The following ST7 variants were observed in gnomAD, a reference collection of about 807,000 sequenced individuals.
ST7 encodes the protein suppressor of tumorigenicity 7 protein.
In ST7, 28 loss-of-function variants were observed where a neutral mutation model predicts 78.7. The observed-to-expected ratio is 0.36, with a 90% confidence interval of 0.26 to 0.49. The LOEUF (loss-of-function observed/expected upper bound fraction) is 0.49, where lower values mean the gene tolerates loss of function less well. Among genes scored for constraint, ST7 ranks in the 20% least tolerant of loss-of-function variants. The probability of loss-of-function intolerance (pLI) is 0.99; values close to 1 mark genes in which losing one functional copy is unlikely to be tolerated. For missense variants in ST7, 418 were observed against 696.0 expected, an observed-to-expected ratio of 0.60 and a Z score of 4.49; for synonymous variants, 247 against 249.6, an observed-to-expected ratio of 0.99 and a Z score of 0.10.
intron 1 of ST7, among the ~76,000 whole-genome samples, chr7:116,990,406 C>T (rs932945246): frequency 2.0e-5 from 3 of 152,046 alleles, no homozygotes; most frequent in Non-Finnish European, 4.4e-5. Flanking sequence ...AGGAATCAAT[C>T]CCCTTCCTCT....
chr7:117,115,353 CTT>C (rs1272973593), intron 2 of ST7, among the ~76,000 whole-genome samples: 2,321 of 135,254 alleles, frequency 0.017, 58 homozygotes, highest in African/African-American at 0.06. Flanking sequence ...TGGTAGGTTA[CTT>C]TTTTTTTTTT....
chr7:116,995,904 A>C (rs985739350), intron 1 of ST7, among the ~76,000 whole-genome samples: 1 of 152,188 alleles, frequency 6.6e-6, no homozygotes, highest in African/African-American at 2.4e-5. Flanking sequence ...GAAAAGACAC[A>C]TGTTTGAGCT....
chr7:116,972,804 C>T, intron 1 of ST7: 1 of 977,724 alleles, frequency 1.0e-6, no homozygotes. Flanking sequence ...ACCTTTCTCC[C>T]TCAACTTCTC....
intron 1 of ST7, among the ~76,000 whole-genome samples, chr7:117,001,718 G>A (rs1794939545): frequency 6.6e-6 from 1 of 152,050 alleles, no homozygotes. Flanking sequence ...GTGATAGATT[G>A]ATAATTGCAT....
rs191427409 is a variant in ST7 at position 117,221,731 on chromosome 7, A to G, written c.1499-192A>G. Among the ~76,000 whole-genome samples, 3 of 152,166 alleles carry G rather than the reference A, an allele frequency of 2.0e-5. No homozygotes were observed. In the East Asian group the frequency reaches 5.8e-4, roughly 29 times the overall value. ...TTAGAGTGCTGAAGGCTGGATGGAGACTTGCGACCAGCAGATGGGCCTCCA... is the reference window on the plus strand; with the variant it reads ...TTAGAGTGCTGAAGGCTGGATGGAGGCTTGCGACCAGCAGATGGGCCTCCA... On this transcript the variant is annotated intron_variant, in intron 14 of 15. Transcript: ENST00000323984.
chr7:117,125,411 T>C (rs1803752808), intron 3 of ST7, among the ~76,000 whole-genome samples: 1 of 152,126 alleles, frequency 6.6e-6, no homozygotes, highest in Non-Finnish European at 1.5e-5. Flanking sequence ...CATTTACTTA[T>C]ATCTTTTGTT....
intron 1 of ST7, among the ~76,000 whole-genome samples, chr7:117,027,702 G>A (rs1796280395): frequency 6.6e-6 from 1 of 152,026 alleles, no homozygotes; most frequent in African/African-American, 2.4e-5. Flanking sequence ...CGGTAACAAA[G>A]CAAGACCCTG....
chr7:117,098,811 G>A lies in ST7; in HGVS notation c.152-951G>A, dbSNP rs781174929. On this transcript the variant is annotated intron_variant, in intron 1 of 15. Coordinates refer to ENST00000323984, the MANE Select transcript of ST7 (RefSeq NM_001369598.1). ...AGAAATGTGAATACTCCCACAAAAAGCCCAGTAAGTATGTGGTGGTTTTGA... is the reference window on the plus strand; with the variant it reads ...AGAAATGTGAATACTCCCACAAAAAACCCAGTAAGTATGTGGTGGTTTTGA... The A allele has an allele frequency of 2.3e-6, 3 of 1,302,184 alleles. No homozygotes were observed. In the South Asian group the frequency reaches 3.7e-5, roughly 16 times the overall value. 80.7% of individuals were successfully genotyped at this position (1,302,184 alleles called of 1,614,324 possible). A position where few individuals can be genotyped will look rare whatever the true frequency, so the allele number is the denominator to read the frequency against.
chr7:117,142,364 T>C (rs1299259432), intron 9 of ST7, among the ~76,000 whole-genome samples: 3 of 152,140 alleles, frequency 2.0e-5, no homozygotes, highest in Non-Finnish European at 4.4e-5. Flanking sequence ...TCAGCACTGT[T>C]GACATCTTGG....
intron 1 of ST7, among the ~76,000 whole-genome samples, chr7:116,967,137 A>G (rs1005802118): frequency 5.0e-5 from 7 of 140,586 alleles, no homozygotes; most frequent in African/African-American, 1.9e-4. Context: ...TTTTTTTGCC[A>G]CTAATTGCAA....
intron 1 of ST7, among the ~76,000 whole-genome samples, chr7:117,094,512 G>T (rs943521923): frequency 1.2e-4 from 18 of 152,172 alleles, no homozygotes; most frequent in African/African-American, 2.4e-5. Context: ...CTCACCCATT[G>T]GATTGTGAGC....
chr7:116,972,977 C>T, intron 1 of ST7: 1 of 805,270 alleles, frequency 1.2e-6, no homozygotes, highest in Non-Finnish European at 2.1e-6. Context: ...GCAGCCTCCT[C>T]TCCCTCACCC....
At chr7:117,066,902 T>A (rs1172675312) in intron 1 of ST7, among the ~76,000 whole-genome samples, 2 of 152,168 alleles carry the variant, frequency 1.3e-5, no homozygotes, top group African/African-American at 4.8e-5. Flanking sequence ...AGCAGTTACT[T>A]TCCACTTCCT....
chr7:117,101,393 C>T (rs992684208), intron 2 of ST7, among the ~76,000 whole-genome samples: 1 of 152,178 alleles, frequency 6.6e-6, no homozygotes, highest in African/African-American at 2.4e-5. Flanking sequence ...ATTTCCAGCT[C>T]TTTCTCTACA....
chr7:117,156,577 T>C (rs763612864), intron 9 of ST7, among the ~76,000 whole-genome samples: 4 of 152,096 alleles, frequency 2.6e-5, no homozygotes, highest in Non-Finnish European at 5.9e-5. Flanking sequence ...TGATGTTGAA[T>C]AGGATCATGT....
At chr7:117,034,275 C>T (rs1253658425) in intron 1 of ST7, among the ~76,000 whole-genome samples, 2 of 152,066 alleles carry the variant, frequency 1.3e-5, no homozygotes, top group Non-Finnish European at 2.9e-5. Context: ...TATTTGTTGC[C>T]TAGTAAAGGC....
intron 1 of ST7, chr7:116,968,410 G>A: frequency 2.3e-6 from 1 of 443,988 alleles, no homozygotes; most frequent in South Asian, 1.6e-5. Context: ...GTCTTACTAT[G>A]TTGACCGTGC....
chr7:117,169,956 C>G (rs1001451598), intron 9 of ST7, among the ~76,000 whole-genome samples: 1 of 152,092 alleles, frequency 6.6e-6, no homozygotes, highest in Non-Finnish European at 1.5e-5. Context: ...CAGGCAGAAA[C>G]TCATAAACCT....
chr7:117,140,325 G>A (rs1805170945), intron 9 of ST7, among the ~76,000 whole-genome samples: 1 of 152,160 alleles, frequency 6.6e-6, no homozygotes, highest in Non-Finnish European at 1.5e-5. Context: ...GTGGATCTCA[G>A]CTTTGCTCTT....
Sources: gnomAD v4.1 joint callset for allele counts (sites outside exome capture counted in the v4.1 genomes callset) on GRCh38, gnomAD v4.1.1 for gene constraint, MANE v1.5 for transcripts, NCBI Gene and HGNC (gene_info 2026-07-23, HGNC 2026-07-21) for gene names.